Variants in SLC45A2 observed in about 807,000 individuals in gnomAD.
The protein encoded by SLC45A2 is membrane-associated transporter protein.
In SLC45A2, 36 loss-of-function variants were observed where a neutral mutation model predicts 45.5. The ratio of observed to expected loss-of-function variants is 0.79; its 90% CI spans 0.61 to 1.04. The LOEUF is 1.04. Ranked by LOEUF, SLC45A2 falls within the 50% of genes least tolerant of loss-of-function variation. The pLI, the probability that SLC45A2 is intolerant of heterozygous loss-of-function variation, is 0.00. For missense variants in SLC45A2, 719 were observed against 671.0 expected, an observed-to-expected ratio of 1.07 and a Z score of -0.79; for synonymous variants, 306 against 269.3, an observed-to-expected ratio of 1.14 and a Z score of -1.33.
rs202111567 is a variant in SLC45A2 at position 33,984,422 on chromosome 5, C to G, written c.162G>C (p.Ala54=). The G allele has an allele frequency of 6.2e-7, 1 of 1,613,454 alleles. No individual in the cohort carries two copies. The highest frequency in any genetic ancestry group is 8.5e-7 in the Non-Finnish European group (1 of 1,179,738). Residue 54 remains alanine (A), a synonymous_variant, in exon 1 of 7, where the codon GCG becomes GCC. Transcript: ENST00000296589. ...CGCTGAGCAGGACTGGGGTCACATA[C>G]GCTGCCTCCACCGCGTAGCAGAACT... ...GREFCYAVEA[A]YVTPVLLSVG...
chr5:33,976,952 G>A (rs1466674457), intron 2 of SLC45A2, among the ~76,000 whole-genome samples: 7 of 95,788 alleles, frequency 7.3e-5, no homozygotes, highest in Non-Finnish European at 1.2e-4. Context: ...TTGTGTCCCT[G>A]TACTCCCGAT....
intron 5 of SLC45A2, among the ~76,000 whole-genome samples, chr5:33,949,378 A>C (rs534039222): frequency 6.6e-6 from 1 of 152,346 alleles, no homozygotes; most frequent in South Asian, 2.1e-4. Context: ...AGTAATATTT[A>C]AGCTGGGTCT....
At chr5:33,955,421 G>A (rs1752245029) in intron 3 of SLC45A2, among the ~76,000 whole-genome samples, 1 of 152,160 alleles carries the variant, frequency 6.6e-6, no homozygotes, top group South Asian at 2.1e-4. Flanking sequence ...CTGATCTACA[G>A]AACTGTGAGA....
In SLC45A2 at chr5:33,984,601, C is replaced by A. The variant is rs779895648; in HGVS notation, c.-18G>T. 9.3e-6 allele frequency: 15 copies of A among 1,606,754 alleles called. No homozygotes were observed. The highest frequency in any genetic ancestry group is 1.8e-4 in the Middle Eastern group (1 of 5,432). On this transcript the variant is annotated 5_prime_UTR_variant, in exon 1 of 7. Transcript: ENST00000296589. Reference sequence around the variant, plus strand: ...CTACCCATGGCCACTGGGAGAGGAACCTTCCTGCGAGCCCACCACCTCCTG... The same window carrying A: ...CTACCCATGGCCACTGGGAGAGGAAACTTCCTGCGAGCCCACCACCTCCTG...
intron 5 of SLC45A2, 74 bp downstream of exon 5, chr5:33,951,480 A>G (rs1003158098): frequency 1.9e-6 from 3 of 1,610,734 alleles, no homozygotes; most frequent in African/African-American, 2.7e-5. Flanking sequence ...GGAAATACAC[A>G]TAGAAATATC....
chr5:33,982,102 C>G (rs1010319749), intron 2 of SLC45A2, 134 bp downstream of exon 2: 1 of 953,820 alleles, frequency 1.0e-6, no homozygotes, highest in African/African-American at 1.6e-5. Flanking sequence ...GAGACAGTGC[C>G]CGCATGACGG....
Position 33,944,685 on chromosome 5 carries a change from C to G in SLC45A2, c.1556G>C (p.Cys519Ser), listed in dbSNP as rs765390989. The G allele has an allele frequency of 3.8e-5, 61 of 1,614,108 alleles. No homozygotes were observed. The highest frequency in any genetic ancestry group is 5.1e-5 in the Non-Finnish European group (60 of 1,180,048). ...ITASAVALIG[C>S]CFVALFVRYV... ...TCTAACAAAGAGAGCGACAAAGCAA[C>G]AGCCTATCAGTGCCACCGCAGACGC... The change falls in exon 7 of 7, where the codon TGT (cysteine) becomes TCT (serine). Residue 519 changes from cysteine (C) to serine (S), a missense_variant. Coordinates refer to ENST00000296589, the MANE Select transcript of SLC45A2 (RefSeq NM_016180.5).
intron 6 of SLC45A2, chr5:33,946,380 T>C: frequency 1.0e-6 from 1 of 985,542 alleles, no homozygotes. Flanking sequence ...TTTTTGCAGT[T>C]TCATGCTGAG....
In SLC45A2 at chr5:33,984,614, C is replaced by G. The variant is rs769494541; in HGVS notation, c.-31G>C. 2 of 1,604,654 alleles carry G rather than the reference C, an allele frequency of 1.2e-6. No homozygotes were observed. Among genetic ancestry groups the G allele is most frequent in the Non-Finnish European group, 1.7e-6 (2 of 1,179,956 alleles). On this transcript the variant is annotated 5_prime_UTR_variant, in exon 1 of 7. Transcript: ENST00000296589. ...CTGGGAGAGGAACCTTCCTGCGAGC[C>G]CACCACCTCCTGCGTGGTCCTAGGG...
chr5:33,981,792 T>C (rs1285539649), intron 2 of SLC45A2, among the ~76,000 whole-genome samples: 1 of 152,224 alleles, frequency 6.6e-6, no homozygotes, highest in Non-Finnish European at 1.5e-5. Context: ...CACAAAATCA[T>C]CTGGGGTCTT....
At position 33,962,646 on chromosome 5, in the gene SLC45A2, G is replaced by A. The variant is rs144567586; in HGVS notation, c.888+1045C>T. Among the ~76,000 whole-genome samples the A allele has an allele frequency of 2.5e-3, 378 of 152,344 alleles. 4 individuals carry two copies. The highest frequency in any genetic ancestry group is 8.9e-3 in the African/African-American group (368 of 41,580). On this transcript the variant is annotated intron_variant, in intron 3 of 6. Transcript: ENST00000296589. ...CTGAATTAGCCCCTGCAACCTGCAC[G>A]AAACCCTTGTAGGTAGATGGAATTA...
At chr5:33,945,007 C>T in intron 6 of SLC45A2, 135 bp from the exon 7 acceptor site, 1 of 819,666 alleles carries the variant, frequency 1.2e-6, no homozygotes, top group Non-Finnish European at 2.0e-6. Flanking sequence ...CTGGTCATAA[C>T]TACTCAACTC....
At chr5:33,954,132 T>C (rs59234458) in intron 4 of SLC45A2, among the ~76,000 whole-genome samples, 5,553 of 152,232 alleles carry the variant, frequency 0.036, 362 homozygotes, top group African/African-American at 0.13. Flanking sequence ...CACCCCACTG[T>C]CAACTATTTG....
intron 1 of SLC45A2, among the ~76,000 whole-genome samples, 195 bp downstream of exon 1, chr5:33,984,004 T>C (rs1027451647): frequency 1.3e-5 from 2 of 152,362 alleles, no homozygotes; most frequent in Middle Eastern, 6.8e-3. Flanking sequence ...ATATTTATTT[T>C]GATATTTCTA....
At chr5:33,963,492 C>T in intron 3 of SLC45A2, 199 bp downstream of exon 3, 1 of 624,490 alleles carries the variant, frequency 1.6e-6, no homozygotes, top group Non-Finnish European at 2.8e-6. Context: ...ACAGGAGGAC[C>T]AGAGGAAAAT....
At chr5:33,984,089 T>C (rs775014947) in intron 1 of SLC45A2, 110 bp downstream of exon 1, 1 of 1,502,372 alleles carries the variant, frequency 6.7e-7, no homozygotes, top group Non-Finnish European at 9.1e-7. Flanking sequence ...CTAGGAGAGA[T>C]CAATTCTAAC....
chr5:33,952,827 A>G (rs978907878), intron 4 of SLC45A2, among the ~76,000 whole-genome samples: 6 of 124,470 alleles, frequency 4.8e-5, no homozygotes, highest in Admixed American at 8.0e-5. Flanking sequence ...ATATCTCCCA[A>G]TGCTATCCCT....
At chr5:33,970,219 C>T (rs1348621000) in intron 2 of SLC45A2, among the ~76,000 whole-genome samples, 1 of 152,196 alleles carries the variant, frequency 6.6e-6, no homozygotes, top group African/African-American at 2.4e-5. Flanking sequence ...TTGCACTGGA[C>T]AGGTGCATCT....
At chr5:33,961,543 C>T (rs1367046701) in intron 3 of SLC45A2, among the ~76,000 whole-genome samples, 10 of 152,128 alleles carry the variant, frequency 6.6e-5, no homozygotes, top group Non-Finnish European at 2.9e-5. Flanking sequence ...TATTCAAATC[C>T]TAACTATCAT....
Sources: gnomAD v4.1 joint callset for allele counts (sites outside exome capture counted in the v4.1 genomes callset) on GRCh38, gnomAD v4.1.1 for gene constraint, MANE v1.5 for transcripts, NCBI Gene and HGNC (gene_info 2026-07-23, HGNC 2026-07-21) for gene names.